Variants in OTOA observed in about 807,000 individuals in gnomAD.
OTOA encodes the protein cancer/testis antigen 108.
OTOA carries 70 observed loss-of-function variants against 110.8 expected under a neutral mutation model. That is an observed-to-expected ratio of 0.63 (90% CI 0.52 to 0.77). OTOA has a LOEUF of 0.77. OTOA is among the 30% of genes least tolerant of loss of function. The probability of loss-of-function intolerance (pLI) is 0.00; values close to 1 mark genes in which losing one functional copy is unlikely to be tolerated. For missense variants in OTOA, 917 were observed against 1,075.8 expected (o/e 0.85, Z 2.06); for synonymous variants, 373 against 431.5 (o/e 0.86, Z 1.68).
chr16:21,695,883 A>G (rs895538853), intron 9 of OTOA, among the ~76,000 whole-genome samples: 11 of 43,780 alleles, frequency 2.5e-4, no homozygotes, highest in African/African-American at 1.2e-3. Context: ...ATATATATAT[A>G]TATATATATT....
At chr16:21,702,534 T>C (rs776457703) in intron 11 of OTOA, among the ~76,000 whole-genome samples, 9 of 152,174 alleles carry the variant, frequency 5.9e-5, no homozygotes. Flanking sequence ...GGTGTGATCT[T>C]TGCTATTTTT....
At chr16:21,716,650 G>A (rs1470297353) in intron 14 of OTOA, among the ~76,000 whole-genome samples, 2 of 152,156 alleles carry the variant, frequency 1.3e-5, no homozygotes, top group East Asian at 3.9e-4. Context: ...AGCCCATACA[G>A]TTAAAATAAA....
chr16:21,705,012 C>T, intron 11 of OTOA, 157 bp from the exon 12 acceptor site: 1 of 1,212,094 alleles, frequency 8.3e-7, no homozygotes, highest in Non-Finnish European at 1.2e-6. Flanking sequence ...TGTGGTTGCA[C>T]ATTTGGTTCA....
At chr16:21,703,336 GT>G (rs1306322956) in intron 11 of OTOA, among the ~76,000 whole-genome samples, 2 of 152,012 alleles carry the variant, frequency 1.3e-5, no homozygotes, top group Non-Finnish European at 2.9e-5. Flanking sequence ...TTGTTTATTT[GT>G]TTTTCAGATT....
chr16:21,708,705 C>G (rs990689261), intron 12 of OTOA, among the ~76,000 whole-genome samples: 2 of 152,166 alleles, frequency 1.3e-5, no homozygotes, highest in African/African-American at 4.8e-5. Context: ...CTCTGCTGCC[C>G]CCCAGTGGCT....
At chr16:21,699,703 G>A (rs1410221502) in intron 10 of OTOA, among the ~76,000 whole-genome samples, 2 of 152,114 alleles carry the variant, frequency 1.3e-5, no homozygotes, top group African/African-American at 4.8e-5. Context: ...TGGATCATGT[G>A]AGGTCAGGTG....
rs1182162717 is a variant in OTOA, at chr16:21,714,332, CCTTT to C, written c.1321-635_1321-632del. Among the ~76,000 whole-genome samples, 130 of 127,726 alleles carry C rather than the reference CCTTT, an allele frequency of 1.0e-3. 1 individual carries two copies. Among genetic ancestry groups the C allele is most frequent in the East Asian group, 2.3e-3 (10 of 4,380 alleles). The allele number at this position is 127,726 out of a possible 152,430, so 83.8% of individuals were successfully genotyped here. A position where few individuals can be genotyped will look rare whatever the true frequency, so the allele number is the denominator to read the frequency against. On this transcript the variant is annotated intron_variant, in intron 13 of 28. Coordinates refer to ENST00000646100, the MANE Select transcript of OTOA (RefSeq NM_144672.4). ...TCCTTCCTTCCTTCCTTCCTTCCTT[CCTTT>C]CTTTCTTTCTTTCTTTCCTTCTCTC...
At chr16:21,710,981 C>T (rs913645119) in intron 13 of OTOA, among the ~76,000 whole-genome samples, 7 of 152,148 alleles carry the variant, frequency 4.6e-5, no homozygotes, top group South Asian at 4.1e-4. Context: ...CCAGCCTGGG[C>T]GACAGAGCAA....
At chr16:21,682,352 A>G (rs1204069999) in intron 6 of OTOA, among the ~76,000 whole-genome samples, 1 of 152,224 alleles carries the variant, frequency 6.6e-6, no homozygotes, top group African/African-American at 2.4e-5. Flanking sequence ...CCCTCTGCAC[A>G]CATTAGATTG....
At chr16:21,676,234 G>A (rs1031514967) in intron 1 of OTOA, among the ~76,000 whole-genome samples, 2 of 152,044 alleles carry the variant, frequency 1.3e-5, no homozygotes, top group Admixed American at 6.6e-5. Context: ...GATAATTTTT[G>A]ATTAGATCTG....
intron 8 of OTOA, among the ~76,000 whole-genome samples, chr16:21,687,962 C>G (rs1897753451): frequency 6.6e-6 from 1 of 152,098 alleles, no homozygotes; most frequent in African/African-American, 2.4e-5. Flanking sequence ...CTGCACCCAG[C>G]CACTCCCACC....
intron 7 of OTOA, 63 bp from the exon 8 acceptor site, chr16:21,687,350 T>C: frequency 7.2e-7 from 1 of 1,384,286 alleles, no homozygotes. Flanking sequence ...GTGTGGTCCC[T>C]CCCAGGGCTT....
rs2141773413 is a variant in OTOA, at chr16:21,760,670, C to T, written c.*130C>T. 1.5e-6 allele frequency: 1 copy of T among 667,098 alleles called. No individual in the cohort carries two copies. Among genetic ancestry groups the T allele is most frequent in the African/African-American group, 1.8e-5 (1 of 56,420 alleles). The allele number at this position is 667,098 out of a possible 1,614,324, so 41.3% of individuals were successfully genotyped here. On this transcript the variant is annotated 3_prime_UTR_variant, in exon 29 of 29. Transcript: ENST00000646100. ...ATCTAGGGCAGGGAAACCCTGGGGC[C>T]TTGATGGTGAAAATGCACCCCAAAT... is the stretch of plus-strand genomic sequence containing the variant.
intron 21 of OTOA, among the ~76,000 whole-genome samples, chr16:21,732,495 T>G (rs1209166319): frequency 2.6e-5 from 4 of 152,064 alleles, no homozygotes; most frequent in Non-Finnish European, 5.9e-5. Context: ...CCTCCCACTC[T>G]TCCATCCAAG....
rs8054407 is a variant in OTOA at position 21,726,305 on chromosome 16, G to A, written c.1881-218G>A. Among the ~76,000 whole-genome samples, 59,689 of 151,430 alleles carry A rather than the reference G, an allele frequency of 0.39. 12,302 individuals are homozygous for A. The highest frequency in any genetic ancestry group is 0.48 in the Middle Eastern group (141 of 294). ...GATGGGAAGTTTGTTGCCCATTCAT[G>A]GAAGAGGAGCATGATGGGAAGTTTG... On this transcript the variant is annotated intron_variant, in intron 18 of 28. Coordinates refer to ENST00000646100, the MANE Select transcript of OTOA (RefSeq NM_144672.4).
Position 21,726,557 on chromosome 16 carries a change from T to G in OTOA, c.1915T>G (p.Cys639Gly), listed in dbSNP as rs1194231877. 1 of 1,613,998 alleles carries G rather than the reference T, an allele frequency of 6.2e-7. No homozygotes were observed. The highest frequency in any genetic ancestry group is 2.2e-5 in the East Asian group (1 of 44,862). Residue 639 changes from cysteine to glycine, a missense_variant, in exon 19 of 29, where the codon TGT becomes GGT. Physicochemically the swap from Cys to Gly is radical, Grantham distance 159. Around this residue, in one of 6 missense-constraint regions of OTOA, gnomAD observed 840 missense variants for 910.2 expected, o/e 0.92. Coordinates refer to ENST00000646100, the MANE Select transcript of OTOA (RefSeq NM_144672.4). ...CCTGGCTTCTGTCCCAGCCTCCCAG[T>G]GTGTGCCCTTTCTGATCAGCCTGGG... ...RYLASVPASQ[C>G]VPFLISLGKS... is the part of the protein sequence containing the mutation.
chr16:21,708,650 A>G (rs2141686769), intron 12 of OTOA, among the ~76,000 whole-genome samples: 2 of 152,252 alleles, frequency 1.3e-5, no homozygotes, highest in South Asian at 4.1e-4. Context: ...GCAGTTGCCG[A>G]ACTTAGAGAA....
chr16:21,759,025 A>G (rs1198281510), intron 28 of OTOA, among the ~76,000 whole-genome samples: 1 of 152,058 alleles, frequency 6.6e-6, no homozygotes, highest in Non-Finnish European at 1.5e-5. Context: ...GCAACAAAAA[A>G]AACTTTCCAT....
At chr16:21,734,792 G>A (rs1382072453) in intron 21 of OTOA, among the ~76,000 whole-genome samples, 8 of 151,798 alleles carry the variant, frequency 5.3e-5, no homozygotes, top group African/African-American at 1.5e-4. Context: ...AGCCGAGATC[G>A]TGCCCTGCAC....
Sources: gnomAD v4.1 joint callset for allele counts (sites outside exome capture counted in the v4.1 genomes callset) on GRCh38, gnomAD v4.1.1 for gene constraint, gnomAD v4.1.1 regional missense constraint, MANE v1.5 for transcripts, NCBI Gene and HGNC (gene_info 2026-07-23, HGNC 2026-07-21) for gene names.